The following MYH7B variants were observed in gnomAD, a reference collection of about 807,000 sequenced individuals.
MYH7B encodes myosin heavy chain 7B.
Under a neutral mutation model 234.5 loss-of-function variants are expected in MYH7B, and 205 were observed. The observed-to-expected ratio is 0.87, with a 90% confidence interval of 0.78 to 0.98. The LOEUF (loss-of-function observed/expected upper bound fraction) is 0.98, where lower values mean the gene tolerates loss of function less well. MYH7B is among the 50% of genes least tolerant of loss of function. The pLI is 0.00. For missense variants in MYH7B, 2,652 were observed against 2,633.4 expected (o/e 1.01, Z -0.15); for synonymous variants, 1,193 against 1,105.0 (o/e 1.08, Z -1.58).
chr20:34,978,094 A>G (rs1600418639), exon 5 of MYH7B: 1 of 1,613,852 alleles, frequency 6.2e-7, no homozygotes, highest in Middle Eastern at 1.6e-4. Flanking sequence ...ATCCCATGGG[A>G]CGGTAAGTGG....
At chr20:34,961,451 C>G (rs1356432758) in intron 2 of MYH7B, among the ~76,000 whole-genome samples, 1 of 152,216 alleles carries the variant, frequency 6.6e-6, no homozygotes, top group African/African-American at 2.4e-5. Context: ...AGTAAAGACT[C>G]TCCTGATTTG....
At chr20:34,965,160 G>A (rs1344630429) in intron 2 of MYH7B, among the ~76,000 whole-genome samples, 1 of 152,120 alleles carries the variant, frequency 6.6e-6, no homozygotes, top group Admixed American at 6.5e-5. Context: ...CCAAAGTACT[G>A]GGATTACAGG....
chr20:34,988,349 C>A (rs1213499728), intron 19 of MYH7B, 87 bp downstream of exon 19: 1 of 1,442,852 alleles, frequency 6.9e-7, no homozygotes, highest in African/African-American at 1.4e-5. Flanking sequence ...TGCATGGAAG[C>A]CTGCAAGTGT....
chr20:35,001,526 G>T, exon 43 of MYH7B: 3 of 1,603,700 alleles, frequency 1.9e-6, no homozygotes, highest in Non-Finnish European at 2.6e-6. Context: ...TTGAGGAGGC[G>T]GTGAGTGCGC....
At chr20:34,979,909 G>T in intron 7 of MYH7B, 105 bp downstream of exon 7, 1 of 1,309,400 alleles carries the variant, frequency 7.6e-7, no homozygotes, top group Non-Finnish European at 1.0e-6. Flanking sequence ...GGGGCTGTGA[G>T]CGGTGGATCG....
intron 2 of MYH7B, among the ~76,000 whole-genome samples, chr20:34,963,835 T>C (rs2147151063): frequency 6.6e-6 from 1 of 152,312 alleles, no homozygotes; most frequent in Non-Finnish European, 1.5e-5. Flanking sequence ...TTTCATGGTA[T>C]TTGCACTTTT....
intron 2 of MYH7B, among the ~76,000 whole-genome samples, chr20:34,969,431 G>C (rs1353683620): frequency 6.6e-6 from 1 of 152,024 alleles, no homozygotes; most frequent in East Asian, 1.9e-4. Context: ...CAGCTTTCTT[G>C]GGTGACTTCC....
chr20:34,977,738 G>GGGGGGGGGGGGGGGGGGGGGGGGGT, intron 4 of MYH7B, 58 bp downstream of exon 4: 1 of 317,136 alleles, frequency 3.2e-6, no homozygotes, highest in South Asian at 2.1e-5. Flanking sequence ...GGGCGGGTGG[G>GGGGGGGGGGGGGGGGGGGGGGGGGT]TGAGGGTGCC....
intron 7 of MYH7B, 162 bp downstream of exon 7, chr20:34,979,966 G>T: frequency 1.3e-6 from 1 of 765,498 alleles, no homozygotes; most frequent in African/African-American, 1.8e-5. Context: ...GGGGCTGTGA[G>T]CGATGAGGCG....
At chr20:35,000,470 G>T in exon 39 of MYH7B, 1 of 1,601,954 alleles carries the variant, frequency 6.2e-7, no homozygotes, top group Non-Finnish European at 8.5e-7. Flanking sequence ...CGCGGCTGAT[G>T]CAGGCACAGC....
At chr20:34,977,738 G>GGGGGGGGGGGGGGGGGGGGGGGGCCCC in intron 4 of MYH7B, 58 bp downstream of exon 4, 5 of 317,136 alleles carry the variant, frequency 1.6e-5, no homozygotes, top group African/African-American at 4.4e-5. Flanking sequence ...GGGCGGGTGG[G>GGGGGGGGGGGGGGGGGGGGGGGGCCCC]TGAGGGTGCC....
exon 39 of MYH7B, chr20:35,000,333 C>T (rs2082345182): frequency 6.3e-7 from 1 of 1,595,478 alleles, no homozygotes; most frequent in African/African-American, 1.3e-5. Flanking sequence ...GCAGGCCTCC[C>T]TGGATGCAGA....
rs1382559304 is a variant in MYH7B, at chr20:35,000,591, G to A, written c.5080G>A (p.Glu1694Lys). ...CTCGCTGCTGGCTGCGGAGCTGGAG[G>A]AGCTGCGGGCTGCCCTGGAGCAGGG... is the stretch of plus-strand genomic sequence containing the variant. The change falls in exon 39 of 45, where the codon GAG becomes AAG. Residue 1694 changes from glutamate (E) to lysine (K), a missense_variant. Physicochemically the swap from Glu to Lys is moderately conservative, Grantham distance 56. Coordinates refer to ENST00000262873, the Ensembl canonical transcript of MYH7B. The A allele has an allele frequency of 6.4e-6, 10 of 1,568,438 alleles. No homozygotes were observed. The highest frequency in any genetic ancestry group is 7.7e-6 in the Non-Finnish European group (9 of 1,161,812).
exon 6 of MYH7B, chr20:34,979,495 A>C: frequency 6.2e-7 from 1 of 1,611,930 alleles, no homozygotes; most frequent in Non-Finnish European, 8.5e-7. Context: ...AAAGACCAGA[A>C]GGTTCCGTTC....
intron 2 of MYH7B, among the ~76,000 whole-genome samples, chr20:34,960,330 T>G (rs993347896): frequency 3.9e-5 from 6 of 152,056 alleles, no homozygotes; most frequent in East Asian, 1.9e-4. Flanking sequence ...CCGCCTCCCG[T>G]GTTCATGCCA....
chr20:34,972,681 G>A (rs1017515947), intron 2 of MYH7B, among the ~76,000 whole-genome samples: 2 of 152,150 alleles, frequency 1.3e-5, no homozygotes, highest in Non-Finnish European at 2.9e-5. Context: ...CCACGCTGGA[G>A]TGCAGTGGCA....
intron 2 of MYH7B, among the ~76,000 whole-genome samples, chr20:34,971,104 G>A (rs115074613): frequency 1.6e-4 from 24 of 152,212 alleles, no homozygotes; most frequent in Middle Eastern, 3.4e-3. Flanking sequence ...GTGTGTGCTC[G>A]GGGAGGCCTC....
At chr20:34,990,875 G>A in intron 23 of MYH7B, 50 bp downstream of exon 23, 1 of 1,605,288 alleles carries the variant, frequency 6.2e-7, no homozygotes, top group Non-Finnish European at 8.5e-7. Flanking sequence ...TCATGGGAAG[G>A]TGACAGGGCA....
chr20:34,979,459 C>G (rs1294210226), exon 6 of MYH7B: 2 of 1,613,792 alleles, frequency 1.2e-6, no homozygotes, highest in Non-Finnish European at 1.7e-6. Flanking sequence ...TCGGAGGCTA[C>G]CGGGGGCAGA....
Sources: allele counts gnomAD v4.1 joint callset (sites outside exome capture counted in the v4.1 genomes callset), GRCh38; gene constraint gnomAD v4.1.1; transcripts MANE v1.5; gene names NCBI Gene and HGNC (gene_info 2026-07-23, HGNC 2026-07-21).